PLCG1: variants seen among roughly 807,000 people sequenced by gnomAD.
The protein encoded by PLCG1 is 1-phosphatidylinositol 4,5-bisphosphate phosphodiesterase gamma-1.
In PLCG1, 71 loss-of-function variants were observed where a neutral mutation model predicts 177.8. The observed-to-expected ratio is 0.40, with a 90% CI of 0.33 to 0.49. The LOEUF (loss-of-function observed/expected upper bound fraction) is 0.49. Ranked by LOEUF, PLCG1 falls within the 20% of genes least tolerant of loss-of-function variation. The pLI, the probability that PLCG1 is intolerant of heterozygous loss-of-function variation, is 0.72. For synonymous variants in PLCG1, 658 were observed against 647.9 expected (o/e 1.02, Z -0.24); for missense variants, 1,281 against 1,709.0 (o/e 0.75, Z 4.42).
At chr20:41,161,334 G>A (rs1248854217) in intron 4 of PLCG1, among the ~76,000 whole-genome samples, 1 of 152,180 alleles carries the variant, frequency 6.6e-6, no homozygotes, top group Non-Finnish European at 1.5e-5. Context: ...GAATGAGAGG[G>A]AGCAAGATGA....
chr20:41,163,760 C>G lies in PLCG1; in HGVS notation c.937C>G (p.Gln313Glu). ...CAAAGAGAACAGTGTGTGGAACTCG[C>G]AGCTGGATGCAGTATGCCCGGACAC... Reference protein sequence around the residue: ...FSKENSVWNSQLDAVCPDTMN... With the variant: ...FSKENSVWNSELDAVCPDTMN... The change falls in exon 10 of 32, where the codon CAG (glutamine) becomes GAG (glutamate). Residue 313 changes from glutamine (Q) to glutamate (E), a missense_variant. Gln to Glu is a conservative substitution (Grantham distance 29, BLOSUM62 2). This residue lies in a region of PLCG1 where 374 missense variants were observed against 443.8 expected (regional missense o/e 0.84). Transcript: ENST00000685551. This position sits in a 1 kb window ranked among gnomAD's most constrained non-coding sequence, Gnocchi z 5.2. The G allele has an allele frequency of 6.2e-7, 1 of 1,612,916 alleles. No individual in the cohort carries two copies. Among genetic ancestry groups the G allele is most frequent in the Non-Finnish European group, 8.5e-7 (1 of 1,179,326 alleles).
rs1174939603 is a variant in PLCG1 at position 41,151,529 on chromosome 20, G to C, written c.218-8077G>C. On this transcript the variant is annotated intron_variant, in intron 1 of 31. Transcript: ENST00000685551. This position sits in a 1 kb window ranked among gnomAD's most constrained non-coding sequence, Gnocchi z 5.5. ...AACCCAGATCCTTGTTTGTAAAATGGAAAGGGATAGCTACCCACCCCTCCA... is the reference window on the plus strand; with the variant it reads ...AACCCAGATCCTTGTTTGTAAAATGCAAAGGGATAGCTACCCACCCCTCCA... Among the ~76,000 whole-genome samples, 1 of 152,144 alleles carries C rather than the reference G, an allele frequency of 6.6e-6. No individual in the cohort carries two copies. The highest frequency in any genetic ancestry group is 1.5e-5 in the Non-Finnish European group (1 of 68,038).
chr20:41,174,396 G>C lies in PLCG1; in HGVS notation c.3834-71G>C, dbSNP rs2035998281. On this transcript the variant is annotated intron_variant, in intron 31 of 31. Transcript: ENST00000685551. The surrounding 1 kb of genome is among the most constrained non-coding windows in gnomAD (Gnocchi z 5.8). Reference sequence around the variant, plus strand: ...GTGTTTCTTTCTCCTGGGTAGAAAAGTTGTAATATTGTCTGGCATTGGGCT... The same window carrying C: ...GTGTTTCTTTCTCCTGGGTAGAAAACTTGTAATATTGTCTGGCATTGGGCT... The C allele has an allele frequency of 2.5e-6, 4 of 1,602,802 alleles. No homozygotes were observed. The highest frequency in any genetic ancestry group is 3.4e-6 in the Non-Finnish European group (4 of 1,171,554).
At chr20:41,169,379 T>G in intron 22 of PLCG1, 78 bp from the exon 23 acceptor site, 1 of 1,159,350 alleles carries the variant, frequency 8.6e-7, no homozygotes, top group East Asian at 2.3e-5. Flanking sequence ...AAGATGTATT[T>G]GTCCCATGCA....
rs1025981517 is a variant in PLCG1 at position 41,150,507 on chromosome 20, G to A, written c.218-9099G>A. ...AGGCCATCTAGAAAGAACTTAGGCA[G>A]CATCAGTCTGCAAGGGAGGCAGAGT... On this transcript the variant is annotated intron_variant, in intron 1 of 31. Coordinates refer to ENST00000685551, the MANE Select transcript of PLCG1 (RefSeq NM_002660.3). This position sits in a 1 kb window ranked among gnomAD's most constrained non-coding sequence, Gnocchi z 4.0. Among the ~76,000 whole-genome samples, 52 of 152,096 alleles carry A rather than the reference G, an allele frequency of 3.4e-4. No homozygotes were observed. Among genetic ancestry groups the A allele is most frequent in the African/African-American group, 1.2e-3 (51 of 41,414 alleles).
chr20:41,162,252 TTTTG>T, intron 4 of PLCG1, 196 bp from the exon 5 acceptor site: 2 of 315,486 alleles, frequency 6.3e-6, no homozygotes, highest in Non-Finnish European at 1.1e-5. Context: ...TTTTTTTTTT[TTTTG>T]CTCAGATGAG....
intron 1 of PLCG1, among the ~76,000 whole-genome samples, chr20:41,140,674 G>A (rs2034794399): frequency 6.6e-6 from 1 of 152,218 alleles, no homozygotes; most frequent in South Asian, 2.1e-4. Flanking sequence ...CTCAAAAGCG[G>A]GGTGGGGAAG....
rs1309669227 is a variant in PLCG1 at position 41,166,016 on chromosome 20, C to G, written c.1800-178C>G. ...CCCCCCCCCCATACCCCTCCCTTTT[C>G]GGTTCATTTGAAGCCCACACCTTTG... On this transcript the variant is annotated intron_variant, in intron 16 of 31. Transcript: ENST00000685551. This position sits in a 1 kb window ranked among gnomAD's most constrained non-coding sequence, Gnocchi z 8.6. 7.2e-6 allele frequency among the ~76,000 whole-genome samples: 1 copy of G among 139,182 alleles called. No individual in the cohort carries two copies. The highest frequency in any genetic ancestry group is 1.5e-5 in the Non-Finnish European group (1 of 64,648). 91.3% of individuals were successfully genotyped at this position (139,182 alleles called of 152,430 possible).
At chr20:41,155,709 G>T (rs1420347667) in intron 1 of PLCG1, among the ~76,000 whole-genome samples, 2 of 152,142 alleles carry the variant, frequency 1.3e-5, no homozygotes, top group Non-Finnish European at 2.9e-5. Context: ...GGCCTTATTT[G>T]TCTCCACTAC....
At position 41,165,039 on chromosome 20, in the gene PLCG1, G is replaced by A. The variant is rs761490511; in HGVS notation, c.1324G>A (p.Val442Met). The change falls in exon 13 of 32, where the codon GTG (valine) becomes ATG (methionine). Residue 442 changes from valine (V) to methionine (M), a missense_variant. This residue lies in a region of PLCG1 where 723 missense variants were observed against 1,030.0 expected (regional missense o/e 0.70). Coordinates refer to ENST00000685551, the MANE Select transcript of PLCG1 (RefSeq NM_002660.3). The surrounding 1 kb of genome is among the most constrained non-coding windows in gnomAD (Gnocchi z 6.6). ...GGGGGACACACTCCTCACCAAGCCC[G>A]TGGAGATCTCTGCCGACGGGCTCCC... ...VLGDTLLTKP[V>M]EISADGLPSP... 6 of 1,614,124 alleles carry A rather than the reference G, an allele frequency of 3.7e-6. No individual in the cohort carries two copies. The highest frequency in any genetic ancestry group is 5.1e-6 in the Non-Finnish European group (6 of 1,180,016).
At chr20:41,169,701 T>A (rs944337301) in intron 23 of PLCG1, 175 bp downstream of exon 23, 3 of 617,032 alleles carry the variant, frequency 4.9e-6, no homozygotes. Flanking sequence ...TTTGTCACTG[T>A]CAGCTTTGAC....
rs181874243 is a variant in PLCG1, at chr20:41,176,615, C to G, written c.*2106C>G. 1 of 152,358 alleles carries G rather than the reference C, an allele frequency of 6.6e-6. No homozygotes were observed. The highest frequency in any genetic ancestry group is 1.9e-4 in the East Asian group (1 of 5,194). The allele number at this position is 152,358 out of a possible 1,614,324, so 9.4% of individuals were successfully genotyped here. On this transcript the variant is annotated 3_prime_UTR_variant, in exon 32 of 32. Transcript: ENST00000685551. ...ACAACCTGGGGAACAGACAGCTCTG[C>G]CTTTCTTAAGGCAGCTTTGTAGACC...
intron 4 of PLCG1, among the ~76,000 whole-genome samples, chr20:41,161,654 C>A (rs920964120): frequency 1.3e-5 from 2 of 152,108 alleles, no homozygotes; most frequent in African/African-American, 4.8e-5. Context: ...GCGCTCAGCC[C>A]CCTCGGGGAA....
Position 41,167,887 on chromosome 20 carries a change from C to T in PLCG1, c.2337C>T (p.Asn779=). The T allele has an allele frequency of 6.2e-7, 1 of 1,613,852 alleles. No homozygotes were observed. Among genetic ancestry groups the T allele is most frequent in the Non-Finnish European group, 8.5e-7 (1 of 1,179,846 alleles). Residue 779 remains asparagine, a synonymous_variant, in exon 20 of 32, where the codon AAC becomes AAT. Transcript: ENST00000685551. This position sits in a 1 kb window ranked among gnomAD's most constrained non-coding sequence, Gnocchi z 4.4. ...PDYGALYEGR[N]PGFYVEANPM... ...ACGGGGCCCTGTATGAGGGACGCAA[C>T]CCTGGCTTCTATGTAGAGGCAAACC...
At position 41,157,204 on chromosome 20, in the gene PLCG1, C is replaced by CTCTGTGTG. The variant is rs1555812777; in HGVS notation, c.218-2401_218-2400insCTGTGTGT. ...GTGCAGGAGTGCAGGCCTGTTGACT[C>CTCTGTGTG]TGTGTGTGTGTGTGTGTGTGTGTGT... On this transcript the variant is annotated intron_variant, in intron 1 of 31. Coordinates refer to ENST00000685551, the MANE Select transcript of PLCG1 (RefSeq NM_002660.3). The surrounding 1 kb of genome is among the most constrained non-coding windows in gnomAD (Gnocchi z 5.4). Among the ~76,000 whole-genome samples, 1 of 143,936 alleles carries CTCTGTGTG rather than the reference C, an allele frequency of 6.9e-6. No homozygotes were observed. The highest frequency in any genetic ancestry group is 2.3e-4 in the South Asian group (1 of 4,436). The allele number at this position is 143,936 out of a possible 152,430, so 94.4% of individuals were successfully genotyped here.
rs1012748587 is a variant in PLCG1 at position 41,175,541 on chromosome 20, C to T, written c.*1032C>T. On this transcript the variant is annotated 3_prime_UTR_variant, in exon 32 of 32. Transcript: ENST00000685551. ...AGATGGGAAGGTTAGAAAGGCAGCCCTCACCTCTGAGGACAGAGGCCGGGG... is the reference window on the plus strand; with the variant it reads ...AGATGGGAAGGTTAGAAAGGCAGCCTTCACCTCTGAGGACAGAGGCCGGGG... The T allele has an allele frequency of 6.6e-6, 1 of 152,570 alleles. No homozygotes were observed. Among genetic ancestry groups the T allele is most frequent in the Non-Finnish European group, 1.5e-5 (1 of 68,038 alleles). 9.5% of individuals were successfully genotyped at this position (152,570 alleles called of 1,614,324 possible).
rs749200439 is a variant in PLCG1 at position 41,172,897 on chromosome 20, G to T, written c.3279+20G>T. 6.2e-7 allele frequency: 1 copy of T among 1,610,722 alleles called. No homozygotes were observed. Among genetic ancestry groups the T allele is most frequent in the Non-Finnish European group, 8.5e-7 (1 of 1,177,848 alleles). On this transcript the variant is annotated intron_variant, in intron 27 of 31. Transcript: ENST00000685551. The surrounding 1 kb of genome is among the most constrained non-coding windows in gnomAD (Gnocchi z 7.0). The stretch of plus-strand genomic sequence containing the variant: ...ATTGAGGTGGGTGCTGCTCATCTGG[G>T]CTTCAGGGTAGGAAAGGGGCTGCTT...
chr20:41,162,535 C>T lies in PLCG1; in HGVS notation c.596C>T (p.Thr199Met), dbSNP rs763526565. 27 of 1,613,618 alleles carry T rather than the reference C, an allele frequency of 1.7e-5. No homozygotes were observed. Among genetic ancestry groups the T allele is most frequent in the East Asian group, 1.3e-4 (6 of 44,862 alleles). Reference sequence around the variant, plus strand: ...ATGCGCTTCCTCCGAGAGCGGCTGACGGTAAGTGCCACCCAGGGCTGTCTG... The same window carrying T: ...ATGCGCTTCCTCCGAGAGCGGCTGATGGTAAGTGCCACCCAGGGCTGTCTG... ...PNMRFLRERL[T>M]DLEQRSGDIT... Residue 199 changes from threonine to methionine, a missense_variant and splice_region_variant, in exon 5 of 32, where the codon ACG becomes ATG. By Grantham distance (81) the Thr-to-Met change is moderately conservative. Transcript: ENST00000685551.
chr20:41,177,606 T>C lies in PLCG1; in HGVS notation c.*3097T>C, dbSNP rs762361133. The stretch of plus-strand genomic sequence containing the variant: ...AAAGGATCATGCCTTCTTCACATTT[T>C]AATTAAATGGATCAAGCACAGTCTC... On this transcript the variant is annotated 3_prime_UTR_variant, in exon 32 of 32. Transcript: ENST00000685551. 12 of 152,242 alleles carry C rather than the reference T, an allele frequency of 7.9e-5. No homozygotes were observed. Among genetic ancestry groups the C allele is most frequent in the Non-Finnish European group, 1.5e-4 (10 of 68,042 alleles). The allele number at this position is 152,242 out of a possible 1,614,324, so 9.4% of individuals were successfully genotyped here.
Sources: gnomAD v4.1 joint callset for allele counts (sites outside exome capture counted in the v4.1 genomes callset) on GRCh38, gnomAD v4.1.1 for gene constraint, gnomAD v4.1.1 regional missense constraint, Gnocchi (gnomAD v3.1) non-coding constraint, MANE v1.5 for transcripts, NCBI Gene and HGNC (gene_info 2026-07-23, HGNC 2026-07-21) for gene names.